The following ELSPBP1 variants were observed in gnomAD, a reference collection of about 807,000 sequenced individuals.
The protein encoded by ELSPBP1 is epididymal sperm binding protein 1, also known as epididymal sperm-binding protein 1.
ELSPBP1 carries 38 observed loss-of-function variants against 33.3 expected under a neutral mutation model. The ratio of observed to expected loss-of-function variants is 1.14; its 90% CI spans 0.88 to 1.50. The LOEUF is 1.50. Among genes scored for constraint, ELSPBP1 ranks in the 40% most tolerant of loss-of-function variants. The pLI is 0.00. For missense variants in ELSPBP1, 267 were observed against 263.5 expected, an observed-to-expected ratio of 1.01 and a Z score of -0.09; for synonymous variants, 85 against 94.1, an observed-to-expected ratio of 0.90 and a Z score of 0.56.
At chr19:48,017,441 C>T (rs550945928) in intron 4 of ELSPBP1, among the ~76,000 whole-genome samples, 41 of 152,220 alleles carry the variant, frequency 2.7e-4, no homozygotes, top group Non-Finnish European at 5.7e-4. Flanking sequence ...CCAAGTCCAA[C>T]TCTTTCTCCA....
At chr19:48,019,634 A>G in intron 4 of ELSPBP1, 85 bp from the exon 5 acceptor site, 1 of 1,362,054 alleles carries the variant, frequency 7.3e-7, no homozygotes, top group South Asian at 1.4e-5. Flanking sequence ...TAATGGGATA[A>G]AGCGTGGCAC....
chr19:48,000,711 G>A (rs1966959137), intron 1 of ELSPBP1, among the ~76,000 whole-genome samples: 2 of 152,292 alleles, frequency 1.3e-5, no homozygotes, highest in Non-Finnish European at 2.9e-5. Context: ...ACTCCGAGCT[G>A]TGCGTGTGTC....
In ELSPBP1 at chr19:48,012,127, C is replaced by T. The variant is rs369709486; in HGVS notation, c.71-2044C>T. Among the ~76,000 whole-genome samples, 32 of 151,784 alleles carry T rather than the reference C, an allele frequency of 2.1e-4. No individual in the cohort carries two copies. The East Asian group carries it at 6.2e-3, about 29-fold the overall frequency. On this transcript the variant is annotated intron_variant, in intron 2 of 6. Transcript: ENST00000339841. ...CACCGTTTTTGTTTTTTGTTTTGTT[C>T]TGTTTTGTTTTGTTTTCAGACAGGG...
intron 6 of ELSPBP1, among the ~76,000 whole-genome samples, chr19:48,023,532 G>C (rs111399082): frequency 3.7e-5 from 4 of 108,046 alleles, no homozygotes; most frequent in Non-Finnish European, 8.0e-5. Context: ...AGGAAGGGAG[G>C]AAGGAAAGAA....
chr19:48,008,292 G>A (rs1314958511), intron 1 of ELSPBP1, among the ~76,000 whole-genome samples: 1 of 152,112 alleles, frequency 6.6e-6, no homozygotes. Flanking sequence ...TAGTACAGTG[G>A]CACAATCATA....
intron 1 of ELSPBP1, among the ~76,000 whole-genome samples, chr19:48,003,060 G>A (rs73941435): frequency 0.02 from 2,986 of 152,168 alleles, 85 homozygotes; most frequent in African/African-American, 0.067. Context: ...CAACCACCCC[G>A]GGGCTCAGGA....
At chr19:48,012,779 T>A (rs1371209006) in intron 2 of ELSPBP1, among the ~76,000 whole-genome samples, 1 of 152,226 alleles carries the variant, frequency 6.6e-6, no homozygotes, top group Non-Finnish European at 1.5e-5. Flanking sequence ...CATTTTTCTT[T>A]AAATTTGCTT....
At chr19:47,995,190 C>T (rs1310290863) in intron 1 of ELSPBP1, among the ~76,000 whole-genome samples, 1 of 152,162 alleles carries the variant, frequency 6.6e-6, no homozygotes, top group African/African-American at 2.4e-5. Context: ...TAGCTGGTGG[C>T]TGCCATATTG....
chr19:48,023,529 G>GGGGAAGGAGGGAAGAA (rs143871056), intron 6 of ELSPBP1, among the ~76,000 whole-genome samples: 1 of 106,812 alleles, frequency 9.4e-6, no homozygotes, highest in Non-Finnish European at 2.0e-5. Flanking sequence ...GGAAGGAAGG[G>GGGGAAGGAGGGAAGAA]AGGAAGGAAA....
In ELSPBP1 at chr19:48,015,968, T is replaced by G. The variant is rs942580988; in HGVS notation, c.284T>G (p.Leu95Ter). ...YNSCISQGSF[L>*]GSLWCSVTSV... ...AGCTGCATCTCCCAGGGCAGCTTCT[T>G]AGGCAGTCTGTGGTGCTCAGTCACC... The change falls in exon 4 of 7, where the codon TTA becomes TGA. Residue 95 changes from leucine to a stop codon, truncating the protein, a stop_gained. Transcript: ENST00000339841. LOFTEE classifies it high-confidence loss of function. The G allele has an allele frequency of 5.6e-6, 9 of 1,613,992 alleles. No homozygotes were observed. Among genetic ancestry groups the G allele is most frequent in the Middle Eastern group, 1.7e-4 (1 of 6,044 alleles).
chr19:48,001,504 C>A (rs377573309), intron 1 of ELSPBP1, among the ~76,000 whole-genome samples: 3 of 152,030 alleles, frequency 2.0e-5, no homozygotes, highest in African/African-American at 7.3e-5. Flanking sequence ...TCTGGGGAAT[C>A]CCGGATCATC....
intron 2 of ELSPBP1, among the ~76,000 whole-genome samples, chr19:48,009,450 A>G (rs1195141125): frequency 6.6e-6 from 1 of 152,188 alleles, no homozygotes; most frequent in Non-Finnish European, 1.5e-5. Flanking sequence ...TAAATTAACC[A>G]CTAAAAGACT....
intron 4 of ELSPBP1, among the ~76,000 whole-genome samples, chr19:48,016,725 A>G: frequency 6.6e-6 from 1 of 151,486 alleles, no homozygotes; most frequent in Admixed American, 6.6e-5. Context: ...CAGCCTCCTG[A>G]GTAGCTGGGA....
chr19:48,011,067 T>A lies in ELSPBP1; in HGVS notation c.70+2330T>A, dbSNP rs534454276. Among the ~76,000 whole-genome samples, 1 of 150,170 alleles carries A rather than the reference T, an allele frequency of 6.7e-6. No homozygotes were observed. Among genetic ancestry groups the A allele is most frequent in the East Asian group, 1.9e-4 (1 of 5,132 alleles). On this transcript the variant is annotated intron_variant, in intron 2 of 6. Transcript: ENST00000339841. The surrounding 1 kb of genome is among the most constrained non-coding windows in gnomAD (Gnocchi z 4.5). ...GATGATGATATGACGATGATGACAA[T>A]GATGACGGTAATGATGACAACAATA... is the stretch of plus-strand genomic sequence containing the variant.
Position 48,011,953 on chromosome 19 carries a change from G to A in ELSPBP1, c.71-2218G>A, listed in dbSNP as rs1967083982. Among the ~76,000 whole-genome samples, 1 of 152,108 alleles carries A rather than the reference G, an allele frequency of 6.6e-6. No individual in the cohort carries two copies. The highest frequency in any genetic ancestry group is 1.5e-5 in the Non-Finnish European group (1 of 68,034). On this transcript the variant is annotated intron_variant, in intron 2 of 6. Coordinates refer to ENST00000339841, the MANE Select transcript of ELSPBP1 (RefSeq NM_022142.5). This position sits in a 1 kb window ranked among gnomAD's most constrained non-coding sequence, Gnocchi z 4.5. Reference sequence around the variant, plus strand: ...ATGCAATGAACTAACAGTTGAGCAAGTTGAGCTCTCATCCCAGGTCTACAA... The same window carrying A: ...ATGCAATGAACTAACAGTTGAGCAAATTGAGCTCTCATCCCAGGTCTACAA...
At chr19:48,007,736 G>A (rs751421850) in intron 1 of ELSPBP1, among the ~76,000 whole-genome samples, 25 of 152,142 alleles carry the variant, frequency 1.6e-4, no homozygotes, top group Non-Finnish European at 3.2e-4. Context: ...TATTGTTAAG[G>A]TTCCAACAAT....
At chr19:48,012,976 T>G (rs568083524) in intron 2 of ELSPBP1, among the ~76,000 whole-genome samples, 2 of 152,352 alleles carry the variant, frequency 1.3e-5, no homozygotes, top group Admixed American at 1.3e-4. Flanking sequence ...GTTTGAGTCC[T>G]GCTCCCCACC....
At chr19:48,021,343 G>A (rs534814048) in intron 5 of ELSPBP1, among the ~76,000 whole-genome samples, 132 of 151,282 alleles carry the variant, frequency 8.7e-4, no homozygotes, top group African/African-American at 3.1e-3. Flanking sequence ...GGTTTAGGTC[G>A]GCATTCTGAG....
At chr19:48,023,338 G>C (rs1600114350) in intron 6 of ELSPBP1, among the ~76,000 whole-genome samples, 1 of 132,366 alleles carries the variant, frequency 7.6e-6, no homozygotes, top group Non-Finnish European at 1.6e-5. Flanking sequence ...AGAAGGAAGG[G>C]AGGGAGGAAG....
Sources: gnomAD v4.1 joint callset for allele counts (sites outside exome capture counted in the v4.1 genomes callset) on GRCh38, gnomAD v4.1.1 for gene constraint, Gnocchi (gnomAD v3.1) non-coding constraint, MANE v1.5 for transcripts, NCBI Gene and HGNC (gene_info 2026-07-23, HGNC 2026-07-21) for gene names.